The following TRAIP variants were observed in gnomAD, a reference collection of about 807,000 sequenced individuals.
TRAIP encodes TRAF interacting protein.
Under a neutral mutation model 65.0 loss-of-function variants are expected in TRAIP, and 37 were observed. The observed-to-expected ratio is 0.57, with a 90% CI of 0.44 to 0.75. The LOEUF (loss-of-function observed/expected upper bound fraction) is 0.75. Ranked by LOEUF, TRAIP falls within the 30% of genes least tolerant of loss-of-function variation. The pLI is 0.00. For synonymous variants in TRAIP, 187 were observed against 219.1 expected (o/e 0.85, Z 1.29); for missense variants, 481 against 579.4 (o/e 0.83, Z 1.74).
chr3:49,839,539 C>T (rs965032496), intron 10 of TRAIP, among the ~76,000 whole-genome samples: 2 of 152,166 alleles, frequency 1.3e-5, no homozygotes, highest in African/African-American at 4.8e-5. Flanking sequence ...GTGCTTCTGC[C>T]CTATTCTCAG....
At chr3:49,842,589 C>T (rs779891623) in intron 5 of TRAIP, 42 bp from the exon 6 acceptor site, 16 of 1,580,720 alleles carry the variant, frequency 1.0e-5, no homozygotes, top group Non-Finnish European at 1.4e-5. Flanking sequence ...TGGAGGCCCT[C>T]AGGAGCCATT....
rs772891625 is a variant in TRAIP, at chr3:49,830,024, C to T, written c.1082G>A (p.Arg361Lys). 5 of 1,614,192 alleles carry T rather than the reference C, an allele frequency of 3.1e-6. No individual in the cohort carries two copies. In the Admixed American group the frequency reaches 8.3e-5, roughly 27 times the overall value. Residue 361 changes from arginine (R) to lysine (K), a missense_variant, in exon 12 of 15, where the codon AGG becomes AAG. Physicochemically the swap from Arg to Lys is conservative, Grantham distance 26. Transcript: ENST00000331456. ...CTTCTTCTAGAAAGCTCTTACCTTC[C>T]TGGGGCCTTTGCATATCTTCTTGGG... ...DVPKKICKGP[R>K]KESQLSLGGQ...
In TRAIP at chr3:49,831,969, C is replaced by A; in HGVS notation, c.984G>T (p.Arg328=). ...AGTAACCATGCTGGGAGCTGGAGGGCCGGGCTGGGGGAGTATCCACATCAA... is the reference window on the plus strand; with the variant it reads ...AGTAACCATGCTGGGAGCTGGAGGGACGGGCTGGGGGAGTATCCACATCAA... ...ATFDVDTPPA[R]PSSSQHGYYE... Residue 328 remains arginine (R), a synonymous_variant, in exon 11 of 15, where the codon CGG becomes CGT. Transcript: ENST00000331456. 6.2e-7 allele frequency: 1 copy of A among 1,604,734 alleles called. No individual in the cohort carries two copies. The highest frequency in any genetic ancestry group is 8.5e-7 in the Non-Finnish European group (1 of 1,175,686).
intron 1 of TRAIP, among the ~76,000 whole-genome samples, chr3:49,850,795 C>T (rs1429670652): frequency 1.3e-5 from 2 of 150,486 alleles, no homozygotes; most frequent in East Asian, 2.0e-4. Flanking sequence ...GCTGGGGTTA[C>T]GGGTGCACGC....
At chr3:49,847,875 G>A (rs997648073) in intron 2 of TRAIP, among the ~76,000 whole-genome samples, 4 of 152,174 alleles carry the variant, frequency 2.6e-5, no homozygotes. Context: ...AACTCTAGGT[G>A]CGGAGTCACT....
intron 1 of TRAIP, among the ~76,000 whole-genome samples, chr3:49,851,784 C>A (rs562578630): frequency 6.8e-4 from 103 of 151,590 alleles, no homozygotes; most frequent in Non-Finnish European, 1.2e-3. Flanking sequence ...GCAACCTCCA[C>A]CTCCTGAGTT....
Position 49,839,870 on chromosome 3 carries a change from G to A in TRAIP, c.796-10C>T. On this transcript the variant is annotated splice_polypyrimidine_tract_variant and intron_variant, in intron 9 of 14. Coordinates refer to ENST00000331456, the MANE Select transcript of TRAIP (RefSeq NM_005879.3). ...GCTTCTTTTTCAGGCTCTTGGGGAG[G>A]GAAAGAAAAGTGTGTGAGAGAAAGG... 1 of 1,613,916 alleles carries A rather than the reference G, an allele frequency of 6.2e-7. No homozygotes were observed. The highest frequency in any genetic ancestry group is 8.5e-7 in the Non-Finnish European group (1 of 1,179,760).
Position 49,842,524 on chromosome 3 carries a change from C to T in TRAIP, c.432G>A (p.Gln144=), listed in dbSNP as rs377403627. Residue 144 remains glutamine (Q), a synonymous_variant, in exon 6 of 15, where the codon CAG becomes CAA. Transcript: ENST00000331456. ...TLKKQMKYLE[Q]QQDETKQAQE... is the part of the protein sequence containing the mutation. ...GTGCTTGTTTGGTCTCATCCTGCTG[C>T]TGCTCTAAGTACTTCATCTGCTTCT... The T allele has an allele frequency of 1.2e-6, 2 of 1,613,890 alleles. No individual in the cohort carries two copies. Among genetic ancestry groups the T allele is most frequent in the African/African-American group, 2.7e-5 (2 of 75,036 alleles).
At chr3:49,845,244 G>C (rs1253017179) in intron 3 of TRAIP, among the ~76,000 whole-genome samples, 1 of 152,212 alleles carries the variant, frequency 6.6e-6, no homozygotes, top group African/African-American at 2.4e-5. Flanking sequence ...GAATCATTGA[G>C]AAGCTGTGGC....
At chr3:49,829,596 A>C (rs1575387956) in intron 13 of TRAIP, 21 bp downstream of exon 13, 1 of 1,614,142 alleles carries the variant, frequency 6.2e-7, no homozygotes, top group Non-Finnish European at 8.5e-7. Flanking sequence ...GGCTCCTGCC[A>C]CTGTGGGAAG....
At chr3:49,855,938 T>G (rs1451431251) in intron 1 of TRAIP, among the ~76,000 whole-genome samples, 1 of 152,210 alleles carries the variant, frequency 6.6e-6, no homozygotes, top group Non-Finnish European at 1.5e-5. Flanking sequence ...GTGAGATGAC[T>G]CTGGGTAGAA....
chr3:49,829,130 G>C lies in TRAIP; in HGVS notation c.1383C>G (p.Ala461=). ...ACGACCACAGGAAGGTGTCCAGCTT[G>C]GCCTGGAAGAGAGAAGGCACTGTCT... is the stretch of plus-strand genomic sequence containing the variant. ...RVKTVPSLFQ[A]KLDTFLWS The change falls in exon 15 of 15, where the codon GCC becomes GCG. Residue 461 remains alanine (A), a synonymous_variant. Coordinates refer to ENST00000331456, the MANE Select transcript of TRAIP (RefSeq NM_005879.3). 1 of 1,614,202 alleles carries C rather than the reference G, an allele frequency of 6.2e-7. No homozygotes were observed. The highest frequency in any genetic ancestry group is 8.5e-7 in the Non-Finnish European group (1 of 1,180,040).
In TRAIP at chr3:49,848,200, G is replaced by C; in HGVS notation, c.99C>G (p.Cys33Trp). ...GTGCTGTCTCAAACCACTGAATTAG[G>C]CTGGAATGAAAAGCAGAACAATAGA... ...IHCGHTFHLQ[C>W]LIQWFETAPS... Residue 33 changes from cysteine (C) to tryptophan (W), a missense_variant and splice_region_variant, in exon 2 of 15, where the codon TGC (cysteine) becomes TGG (tryptophan). Transcript: ENST00000331456. 6.2e-7 allele frequency: 1 copy of C among 1,614,166 alleles called. No homozygotes were observed. Among genetic ancestry groups the C allele is most frequent in the Non-Finnish European group, 8.5e-7 (1 of 1,180,026 alleles).
At chr3:49,837,770 C>T (rs1467443625) in intron 10 of TRAIP, among the ~76,000 whole-genome samples, 3 of 151,980 alleles carry the variant, frequency 2.0e-5, no homozygotes, top group East Asian at 3.9e-4. Flanking sequence ...TTAGTAGAGA[C>T]GGGGTTTCAC....
intron 11 of TRAIP, 86 bp downstream of exon 11, chr3:49,831,830 A>G: frequency 1.4e-6 from 2 of 1,385,850 alleles, no homozygotes; most frequent in Non-Finnish European, 1.9e-6. Flanking sequence ...CCCATCAGCC[A>G]CTCAGAGCTA....
intron 8 of TRAIP, 58 bp from the exon 9 acceptor site, chr3:49,840,431 C>T (rs1413737371): frequency 1.4e-6 from 2 of 1,402,558 alleles, no homozygotes; most frequent in Admixed American, 1.7e-5. Context: ...TGCCCTGCCC[C>T]CTCCTGCTGC....
intron 9 of TRAIP, 42 bp from the exon 10 acceptor site, chr3:49,839,902 C>T: frequency 1.3e-6 from 2 of 1,591,146 alleles, no homozygotes. Context: ...AAGGCTGAGG[C>T]ATCAAGTCCG....
intron 1 of TRAIP, among the ~76,000 whole-genome samples, chr3:49,851,960 G>T (rs1028546270): frequency 2.7e-5 from 4 of 150,848 alleles, no homozygotes; most frequent in Admixed American, 6.6e-5. Context: ...GCCTCCCAAA[G>T]TGCTGGGATT....
At chr3:49,856,320 G>A (rs760056773) in intron 1 of TRAIP, 36 bp downstream of exon 1, 2 of 1,585,748 alleles carry the variant, frequency 1.3e-6, no homozygotes, top group South Asian at 1.1e-5. Flanking sequence ...AGCGGTACCC[G>A]GGCAAACACC....
Sources: allele counts gnomAD v4.1 joint callset (sites outside exome capture counted in the v4.1 genomes callset), GRCh38; gene constraint gnomAD v4.1.1; transcripts MANE v1.5; gene names NCBI Gene and HGNC (gene_info 2026-07-23, HGNC 2026-07-21).